Variants in STON1 observed in about 807,000 individuals in gnomAD.
STON1 encodes the protein stonin-1.
Under a neutral mutation model 60.9 loss-of-function variants are expected in STON1, and 79 were observed. That is an observed-to-expected ratio of 1.30 (90% confidence interval 1.08 to 1.56). The LOEUF (loss-of-function observed/expected upper bound fraction) is 1.56, where lower values mean the gene tolerates loss of function less well. Ranked by LOEUF, STON1 falls within the 40% of genes most tolerant of loss-of-function variation. The pLI, the probability that STON1 is intolerant of heterozygous loss-of-function variation, is 0.00. For synonymous variants in STON1, 363 were observed against 306.9 expected (o/e 1.18, Z -1.91); for missense variants, 1,166 against 858.9 (o/e 1.36, Z -4.47).
intron 3 of STON1, among the ~76,000 whole-genome samples, chr2:48,593,306 G>A (rs1028335319): frequency 2.0e-5 from 3 of 151,858 alleles, no homozygotes; most frequent in Non-Finnish European, 4.4e-5. Flanking sequence ...TAGTAGAGAT[G>A]GGGTTTCACC....
At chr2:48,579,521 A>T (rs1263977924) in intron 1 of STON1, among the ~76,000 whole-genome samples, 1 of 151,962 alleles carries the variant, frequency 6.6e-6, no homozygotes, top group East Asian at 1.9e-4. Flanking sequence ...ATATTTGTGA[A>T]TTTTTTAGTT....
chr2:48,575,373 G>A (rs1353895616), intron 1 of STON1, among the ~76,000 whole-genome samples: 4 of 152,080 alleles, frequency 2.6e-5, no homozygotes, highest in Non-Finnish European at 4.4e-5. Context: ...TTTTGGATAG[G>A]CTGGGTTCTG....
intron 3 of STON1, 43 bp from the exon 4 acceptor site, chr2:48,595,185 T>C: frequency 6.7e-7 from 1 of 1,482,916 alleles, no homozygotes; most frequent in Non-Finnish European, 9.4e-7. Flanking sequence ...GAGTGCTGTG[T>C]TGCATTTGTT....
rs549258505 is a variant in STON1 at position 48,575,610 on chromosome 2, G to A, written c.-47-4977G>A. Among the ~76,000 whole-genome samples, 10 of 151,824 alleles carry A rather than the reference G, an allele frequency of 6.6e-5. No homozygotes were observed. The East Asian group carries it at 9.7e-4, about 15-fold the overall frequency. ...AGAGGTTGCGGTGAGCCGAGATTGC[G>A]TCACTGCACTCCAGCCTGGGCAACA... is the stretch of plus-strand genomic sequence containing the variant. On this transcript the variant is annotated intron_variant, in intron 1 of 3. Transcript: ENST00000404752.
At position 48,545,925 on chromosome 2, in the gene STON1, T is replaced by A. The variant is rs573766368; in HGVS notation, c.-48+15709T>A. Among the ~76,000 whole-genome samples the A allele has an allele frequency of 4.6e-5, 7 of 152,324 alleles. No homozygotes were observed. In the East Asian group the frequency reaches 1.4e-3, roughly 29 times the overall value. ...GCCACCAAGTCACTGTGGAGAATGATGAGGGTGATGTTGCAGTTCTGCAAA... is the reference window on the plus strand; with the variant it reads ...GCCACCAAGTCACTGTGGAGAATGAAGAGGGTGATGTTGCAGTTCTGCAAA... On this transcript the variant is annotated intron_variant, in intron 1 of 3. Transcript: ENST00000404752.
intron 2 of STON1, among the ~76,000 whole-genome samples, chr2:48,583,237 T>C (rs1351082858): frequency 6.6e-6 from 1 of 152,172 alleles, no homozygotes; most frequent in Admixed American, 6.5e-5. Flanking sequence ...TACAGATGCA[T>C]ACCATCGTGC....
chr2:48,539,447 A>C (rs568241365), intron 1 of STON1, among the ~76,000 whole-genome samples: 3 of 152,198 alleles, frequency 2.0e-5, no homozygotes, highest in African/African-American at 4.8e-5. Context: ...TTACCTCTAA[A>C]TACTGCTTTA....
intron 2 of STON1, among the ~76,000 whole-genome samples, chr2:48,590,969 C>T (rs1030544091): frequency 2.0e-5 from 3 of 151,818 alleles, no homozygotes; most frequent in Admixed American, 6.6e-5. Context: ...TAAAATAATG[C>T]GACTTAATTT....
chr2:48,574,897 T>C (rs1170494492), intron 1 of STON1, among the ~76,000 whole-genome samples: 2 of 152,252 alleles, frequency 1.3e-5, no homozygotes, highest in Non-Finnish European at 2.9e-5. Context: ...TCTACTCTTT[T>C]AAAAGTTTTC....
Position 48,570,540 on chromosome 2 carries a change from C to T in STON1, c.-47-10047C>T, listed in dbSNP as rs571305732. 7.2e-5 allele frequency among the ~76,000 whole-genome samples: 11 copies of T among 152,166 alleles called. 1 individual carries two copies. In the South Asian group the frequency reaches 1.7e-3, roughly 23 times the overall value. On this transcript the variant is annotated intron_variant, in intron 1 of 3. Coordinates refer to ENST00000404752, the MANE Select transcript of STON1 (RefSeq NM_006873.4). ...TAAATTCTGGGTACATCCAAGAGCACGTGCTAGGCTTTTGAATGCCATTTG... is the reference window on the plus strand; with the variant it reads ...TAAATTCTGGGTACATCCAAGAGCATGTGCTAGGCTTTTGAATGCCATTTG...
At chr2:48,567,841 T>C (rs1394884983) in intron 1 of STON1, among the ~76,000 whole-genome samples, 4 of 147,514 alleles carry the variant, frequency 2.7e-5, no homozygotes, top group Admixed American at 7.2e-5. Flanking sequence ...AGTAGCTAGA[T>C]TGCAGCCCTC....
intron 2 of STON1, among the ~76,000 whole-genome samples, chr2:48,583,326 G>A (rs1467321377): frequency 1.3e-5 from 2 of 152,048 alleles, no homozygotes; most frequent in Non-Finnish European, 2.9e-5. Flanking sequence ...TGGGCTCAAG[G>A]GATCCTCCCA....
intron 1 of STON1, among the ~76,000 whole-genome samples, chr2:48,578,580 C>CTTTTTTTTT (rs1673674887): frequency 1.7e-5 from 1 of 59,982 alleles, no homozygotes; most frequent in Non-Finnish European, 3.2e-5. Context: ...CCTCCTCCTT[C>CTTTTTTTTT]CTTTTTTTTT....
At chr2:48,576,692 A>G (rs972061479) in intron 1 of STON1, among the ~76,000 whole-genome samples, 9 of 152,048 alleles carry the variant, frequency 5.9e-5, no homozygotes, top group Non-Finnish European at 7.4e-5. Context: ...ACTAAATTGC[A>G]TGATTTATTT....
At position 48,555,313 on chromosome 2, in the gene STON1, G is replaced by C. The variant is rs1317534240; in HGVS notation, c.-48+25097G>C. 7.4e-3 allele frequency among the ~76,000 whole-genome samples: 70 copies of C among 9,432 alleles called. 2 individuals are homozygous for C. The highest frequency in any genetic ancestry group is 0.026 in the African/African-American group (67 of 2,580). 6.2% of individuals were successfully genotyped at this position (9,432 alleles called of 152,430 possible). ...TCCCGGACGGGGCGGCTGGCCGGGC[G>C]GGGGGGGCTGACCCCCCCCACCTCC... On this transcript the variant is annotated intron_variant, in intron 1 of 3. Transcript: ENST00000404752.
intron 2 of STON1, among the ~76,000 whole-genome samples, chr2:48,589,259 A>G (rs915877466): frequency 3.3e-5 from 5 of 152,164 alleles, no homozygotes; most frequent in Admixed American, 6.5e-5. Context: ...ATTTTGGTTC[A>G]GGAGGGACTG....
At chr2:48,566,340 T>C (rs1185057859) in intron 1 of STON1, among the ~76,000 whole-genome samples, 4 of 152,164 alleles carry the variant, frequency 2.6e-5, no homozygotes. Flanking sequence ...CACGCCCGGC[T>C]AATTTTTGTA....
chr2:48,591,843 C>T lies in STON1; in HGVS notation c.2121C>T (p.Cys707=), dbSNP rs778704809. Residue 707 remains cysteine, a synonymous_variant, in exon 3 of 4, where the codon TGC becomes TGT. Transcript: ENST00000404752. ...QPQKHVQQRA[C]YNIQVEIEKK... ...AGAAACATGTTCAGCAGCGAGCTTG[C>T]TACAACATCCAGGTACATCCCAAAA... The T allele has an allele frequency of 5.0e-6, 8 of 1,614,046 alleles. 1 individual carries two copies. The African/African-American group carries it at 1.1e-4, about 22-fold the overall frequency.
intron 1 of STON1, among the ~76,000 whole-genome samples, chr2:48,548,527 C>G (rs372133356): frequency 1.3e-5 from 2 of 149,908 alleles, no homozygotes; most frequent in African/African-American, 4.9e-5. Flanking sequence ...TGAGACAGGT[C>G]TCCCTCTGTT....
Sources: gnomAD v4.1 joint callset for allele counts (sites outside exome capture counted in the v4.1 genomes callset) on GRCh38, gnomAD v4.1.1 for gene constraint, MANE v1.5 for transcripts, NCBI Gene and HGNC (gene_info 2026-07-23, HGNC 2026-07-21) for gene names.